RGS5: variants seen among roughly 807,000 people sequenced by gnomAD.
RGS5 encodes regulator of G protein signaling 5.
A neutral mutation model predicts 18.9 loss-of-function variants in RGS5; 20 were observed. The observed-to-expected ratio is 1.06, with a 90% CI of 0.74 to 1.54. The LOEUF (loss-of-function observed/expected upper bound fraction) is 1.54, where lower values mean the gene tolerates loss of function less well. Among genes scored for constraint, RGS5 ranks in the 40% most tolerant of loss-of-function variants. The pLI, the probability that RGS5 is intolerant of heterozygous loss-of-function variation, is 0.00. For missense variants in RGS5, 201 were observed against 211.8 expected (o/e 0.95, Z 0.32); for synonymous variants, 57 against 76.2 (o/e 0.75, Z 1.31).
intron 1 of RGS5, among the ~76,000 whole-genome samples, chr1:163,200,343 T>G (rs1307753041): frequency 6.6e-6 from 1 of 152,220 alleles, no homozygotes; most frequent in Non-Finnish European, 1.5e-5. Flanking sequence ...AGCAGATTTT[T>G]CATAATGTGT....
chr1:163,273,010 G>A (rs1424989356), intron 2 of RGS5, among the ~76,000 whole-genome samples: 1 of 151,662 alleles, frequency 6.6e-6, no homozygotes, highest in Non-Finnish European at 1.5e-5. Context: ...TCATAAGTAT[G>A]TCATTTGATT....
At chr1:163,186,472 G>C (rs1557895982) in intron 1 of RGS5, among the ~76,000 whole-genome samples, 1 of 151,168 alleles carries the variant, frequency 6.6e-6, no homozygotes, top group African/African-American at 2.4e-5. Flanking sequence ...CTAGCTACGC[G>C]GGAGGCTGAG....
chr1:163,158,444 C>A (rs189637770), intron 3 of RGS5, among the ~76,000 whole-genome samples: 6 of 152,124 alleles, frequency 3.9e-5, no homozygotes, highest in Non-Finnish European at 8.8e-5. Flanking sequence ...TTTCACGTAG[C>A]TTCTTTTCTA....
chr1:163,240,231 A>T (rs1454380452), intron 2 of RGS5, among the ~76,000 whole-genome samples: 2 of 152,140 alleles, frequency 1.3e-5, no homozygotes, highest in African/African-American at 2.4e-5. Context: ...AGAAAAATAG[A>T]CAAATAAGTA....
At chr1:163,294,378 C>T (rs566785538) in intron 2 of RGS5, among the ~76,000 whole-genome samples, 7 of 152,382 alleles carry the variant, frequency 4.6e-5, no homozygotes, top group South Asian at 2.1e-4. Context: ...CTGGGGCTTA[C>T]GCCGTTACGC....
intron 1 of RGS5, among the ~76,000 whole-genome samples, chr1:163,200,640 C>T (rs1367233005): frequency 2.6e-5 from 4 of 152,138 alleles, no homozygotes; most frequent in Non-Finnish European, 5.9e-5. Flanking sequence ...TCTTCTCAGG[C>T]AGCATGGTAA....
At chr1:163,271,979 T>C (rs1648730920) in intron 2 of RGS5, among the ~76,000 whole-genome samples, 1 of 152,020 alleles carries the variant, frequency 6.6e-6, no homozygotes, top group Admixed American at 6.6e-5. Context: ...TATTTTTTTA[T>C]TTTCCTACCT....
At chr1:163,309,826 C>T (rs576318335) in intron 1 of RGS5, among the ~76,000 whole-genome samples, 2 of 152,290 alleles carry the variant, frequency 1.3e-5, no homozygotes, top group East Asian at 3.9e-4. Flanking sequence ...ATCACTGAAG[C>T]AGGTCTAGCC....
upstream of RGS5, among the ~76,000 whole-genome samples, chr1:163,219,285 C>T (rs761660400): frequency 1.3e-5 from 2 of 152,080 alleles, no homozygotes; most frequent in African/African-American, 4.8e-5. Flanking sequence ...AGTATGTTGA[C>T]TGTAAAAAAG....
At chr1:163,221,731 T>C (rs1167276505), upstream of RGS5, among the ~76,000 whole-genome samples, 13 of 152,220 alleles carry the variant, frequency 8.5e-5, no homozygotes, top group Non-Finnish European at 1.8e-4. Flanking sequence ...AAAGTTACTA[T>C]ATCTAGAACA....
chr1:163,245,998 GAGGTC>G (rs1456029603), intron 2 of RGS5, among the ~76,000 whole-genome samples: 1 of 151,956 alleles, frequency 6.6e-6, no homozygotes, highest in African/African-American at 2.4e-5. Flanking sequence ...GGCGGATCAC[GAGGTC>G]AGGAGATCGA....
At position 163,144,657 on chromosome 1, in the gene RGS5, G is replaced by C. The variant is rs925101170; in HGVS notation, c.*2685C>G. 1 of 152,600 alleles carries C rather than the reference G, an allele frequency of 6.6e-6. No homozygotes were observed. Among genetic ancestry groups the C allele is most frequent in the African/African-American group, 2.4e-5 (1 of 41,432 alleles). 9.5% of individuals were successfully genotyped at this position (152,600 alleles called of 1,614,324 possible). ...GGAGAGGAGGAGGAGGAGGGAGCTG[G>C]AGTGATAAGCAGATGTTACACATGT... On this transcript the variant is annotated 3_prime_UTR_variant, in exon 5 of 5. Coordinates refer to ENST00000313961, the MANE Select transcript of RGS5 (RefSeq NM_003617.4).
At chr1:163,157,000 A>AAAAGAGAAGGAAGAAAACC (rs1657608652) in intron 3 of RGS5, among the ~76,000 whole-genome samples, 1 of 152,226 alleles carries the variant, frequency 6.6e-6, no homozygotes, top group South Asian at 2.1e-4. Context: ...AATGAGCCAG[A>AAAAGAGAAGGAAGAAAACC]AAAGAGAAGG....
upstream of RGS5, among the ~76,000 whole-genome samples, chr1:163,217,880 C>T (rs144509928): frequency 3.2e-3 from 481 of 152,192 alleles, 3 homozygotes; most frequent in African/African-American, 0.011. Context: ...ACGCAGATTA[C>T]GGTACTGTGA....
At chr1:163,303,722 C>A (rs1649624377) in intron 2 of RGS5, among the ~76,000 whole-genome samples, 1 of 152,148 alleles carries the variant, frequency 6.6e-6, no homozygotes, top group Admixed American at 6.5e-5. Flanking sequence ...AGGAACCAGG[C>A]CACACAGCAC....
At chr1:163,210,927 T>C (rs1331172949) in intron 1 of RGS5, 2 of 152,238 alleles carry the variant, frequency 1.3e-5, no homozygotes. Flanking sequence ...TATGTTGGTG[T>C]CTTGGTTGGA....
chr1:163,217,652 T>C, upstream of RGS5: 1 of 1,505,214 alleles, frequency 6.6e-7, no homozygotes, highest in Non-Finnish European at 8.9e-7. Flanking sequence ...GGGCTAGTGT[T>C]CCTTAGAATT....
Position 163,149,083 on chromosome 1 carries a change from G to A in RGS5, c.385-1580C>T, listed in dbSNP as rs184378552. ...TGCTTCAAAGTCTAGGATGAAGGGC[G>A]TTGAGCTACATTAAGATTTTCCAGA... On this transcript the variant is annotated intron_variant, in intron 4 of 4. Transcript: ENST00000313961. Among the ~76,000 whole-genome samples, 5 of 152,318 alleles carry A rather than the reference G, an allele frequency of 3.3e-5. No individual in the cohort carries two copies. The East Asian group carries it at 9.6e-4, about 29-fold the overall frequency.
intron 2 of RGS5, among the ~76,000 whole-genome samples, chr1:163,231,682 G>C (rs542097211): frequency 1.3e-3 from 199 of 149,798 alleles, no homozygotes; most frequent in Middle Eastern, 0.01. Context: ...CCTTGTCCTA[G>C]AGTCCCCAGG....
Sources: allele counts gnomAD v4.1 joint callset (sites outside exome capture counted in the v4.1 genomes callset), GRCh38; gene constraint gnomAD v4.1.1; transcripts MANE v1.5; gene names NCBI Gene and HGNC (gene_info 2026-07-23, HGNC 2026-07-21).